The following GPC4 variants were observed in gnomAD, a reference collection of about 807,000 sequenced individuals.
GPC4 encodes the protein glypican 4, also known as glypican-4.
In GPC4, 10 loss-of-function variants were observed where a neutral mutation model predicts 35.0. That is an observed-to-expected ratio of 0.29 (90% confidence interval 0.18 to 0.48). The LOEUF (loss-of-function observed/expected upper bound fraction) is 0.48. Among genes scored for constraint, GPC4 ranks in the 20% least tolerant of loss-of-function variants. The pLI is 0.99. For missense variants in GPC4, 322 were observed against 451.3 expected, an observed-to-expected ratio of 0.71 and a Z score of 2.60; for synonymous variants, 167 against 170.2, an observed-to-expected ratio of 0.98 and a Z score of 0.15.
intron 1 of GPC4, among the ~76,000 whole-genome samples, chrX:133,352,977 T>A (rs956020920): frequency 1.8e-5 from 2 of 111,785 alleles, no homozygotes; most frequent in Admixed American, 9.5e-5. Flanking sequence ...CATAAAAAAA[T>A]TTACTTCCTT....
At chrX:133,405,532 C>T (rs989046784) in intron 1 of GPC4, among the ~76,000 whole-genome samples, 4 of 112,092 alleles carry the variant, frequency 3.6e-5, no homozygotes, top group African/African-American at 9.7e-5. Flanking sequence ...TTTGAGCATT[C>T]GCCCATTCTA....
chrX:133,340,223 T>TC (rs945977914), intron 1 of GPC4, among the ~76,000 whole-genome samples: 1 of 109,636 alleles, frequency 9.1e-6, no homozygotes, highest in Non-Finnish European at 1.9e-5. Context: ...GCCCCAGAGT[T>TC]CCCCCCCTTG....
At chrX:133,403,742 C>T (rs2124182847) in intron 1 of GPC4, among the ~76,000 whole-genome samples, 1 of 108,143 alleles carries the variant, frequency 9.2e-6, no homozygotes, top group South Asian at 4.3e-4. Context: ...GTCGCCCAAG[C>T]TGGGGTGTAG....
intron 1 of GPC4, among the ~76,000 whole-genome samples, chrX:133,344,384 C>T (rs1484489469): frequency 9.3e-6 from 1 of 107,036 alleles, no homozygotes; most frequent in Non-Finnish European, 1.9e-5. Flanking sequence ...CGCCACCACA[C>T]CCGGCTAATT....
chrX:133,391,695 A>G lies in GPC4; in HGVS notation c.160+23111T>C, dbSNP rs897028045. Reference sequence around the variant, plus strand: ...TGCAAAGCACCTGGAACATTATTGTATAATTCTGGGCTGTGCACATCAAGC... The same window carrying G: ...TGCAAAGCACCTGGAACATTATTGTGTAATTCTGGGCTGTGCACATCAAGC... On this transcript the variant is annotated intron_variant, in intron 1 of 8. Transcript: ENST00000370828. 6.3e-5 allele frequency among the ~76,000 whole-genome samples: 7 copies of G among 111,931 alleles called. No individual in the cohort carries two copies. In the Admixed American group the frequency reaches 6.7e-4, roughly 11 times the overall value.
intron 2 of GPC4, 134 bp downstream of exon 2, chrX:133,339,049 G>A (rs2068455560): frequency 1.6e-5 from 9 of 563,678 alleles, no homozygotes; most frequent in South Asian, 3.4e-5. Flanking sequence ...AAGCTACAGG[G>A]TAAACTCGTC....
chrX:133,388,600 T>C (rs1253094773), intron 1 of GPC4, among the ~76,000 whole-genome samples: 1 of 108,581 alleles, frequency 9.2e-6, no homozygotes, highest in Non-Finnish European at 1.9e-5. Context: ...AGTGGTATGA[T>C]CTCGGCTCAC....
chrX:133,408,663 C>T (rs1020211517), intron 1 of GPC4, among the ~76,000 whole-genome samples: 8 of 109,797 alleles, frequency 7.3e-5, no homozygotes, highest in African/African-American at 2.3e-4. Flanking sequence ...GAACCAGAGG[C>T]GGAGGTTGCG....
intron 1 of GPC4, 154 bp downstream of exon 1, chrX:133,414,652 T>TCTCG (rs780450041): frequency 5.3e-6 from 4 of 752,657 alleles, no homozygotes; most frequent in Non-Finnish European, 6.3e-6. Flanking sequence ...TGCCTGGCTC[T>TCTCG]CTCGCTCGCT....
chrX:133,309,006 G>C (rs147163031), intron 4 of GPC4, among the ~76,000 whole-genome samples: 116 of 109,314 alleles, frequency 1.1e-3, no homozygotes, highest in African/African-American at 3.6e-3. Context: ...AAAAGAGAGA[G>C]AGACAAGAAA....
intron 1 of GPC4, among the ~76,000 whole-genome samples, chrX:133,374,029 C>T (rs2068623688): frequency 9.0e-6 from 1 of 111,170 alleles, no homozygotes; most frequent in African/African-American, 3.3e-5. Context: ...TCTAAATAGA[C>T]TGAGGTAATG....
At chrX:133,343,050 C>T (rs950267907) in intron 1 of GPC4, among the ~76,000 whole-genome samples, 2 of 111,282 alleles carry the variant, frequency 1.8e-5, no homozygotes, top group African/African-American at 6.5e-5. Context: ...GAGAGCTGAA[C>T]ACGAGGACAA....
At chrX:133,308,100 C>A (rs766632132) in intron 4 of GPC4, among the ~76,000 whole-genome samples, 10 of 112,266 alleles carry the variant, frequency 8.9e-5, no homozygotes, top group African/African-American at 1.6e-4. Context: ...CTGCCTCTAA[C>A]CCCTGGAGGA....
intron 1 of GPC4, 26 bp from the exon 2 acceptor site, chrX:133,339,367 A>G (rs749137991): frequency 8.4e-7 from 1 of 1,186,875 alleles, no homozygotes; most frequent in South Asian, 1.8e-5. Flanking sequence ...TAAGACAGTC[A>G]ATGTCTATCA....
At chrX:133,335,048 T>C (rs2124129614) in intron 2 of GPC4, among the ~76,000 whole-genome samples, 1 of 112,038 alleles carries the variant, frequency 8.9e-6, no homozygotes, top group South Asian at 3.8e-4. Context: ...GTCTTTATGC[T>C]GTGGTCCCAA....
intron 1 of GPC4, among the ~76,000 whole-genome samples, chrX:133,360,311 A>T (rs2068561451): frequency 1.8e-5 from 2 of 112,029 alleles, no homozygotes; most frequent in Non-Finnish European, 1.9e-5. Flanking sequence ...ATAAGAGGTT[A>T]TGAAGACAAA....
chrX:133,312,798 T>C (rs956807972), intron 3 of GPC4, among the ~76,000 whole-genome samples: 11 of 110,991 alleles, frequency 9.9e-5, no homozygotes, highest in Non-Finnish European at 3.8e-5. Context: ...ACAGAAACAT[T>C]ACCCAAGTCA....
chrX:133,384,510 G>A (rs1260578296), intron 1 of GPC4, among the ~76,000 whole-genome samples: 3 of 111,618 alleles, frequency 2.7e-5, no homozygotes, highest in Admixed American at 1.9e-4. Context: ...ACCTGAGTAG[G>A]AGTGAGAGCC....
At chrX:133,408,552 T>C (rs769173896) in intron 1 of GPC4, among the ~76,000 whole-genome samples, 8 of 111,013 alleles carry the variant, frequency 7.2e-5, no homozygotes, top group Non-Finnish European at 7.5e-5. Flanking sequence ...CTGACTAACA[T>C]GGAAAAACTC....
Sources: allele counts gnomAD v4.1 joint callset (sites outside exome capture counted in the v4.1 genomes callset), GRCh38; gene constraint gnomAD v4.1.1; transcripts MANE v1.5; gene names NCBI Gene and HGNC (gene_info 2026-07-23, HGNC 2026-07-21).